The following ZNF260 variants were observed in gnomAD, a reference collection of about 807,000 sequenced individuals.
ZNF260 encodes zfp-260.
Under a neutral mutation model 29.3 loss-of-function variants are expected in ZNF260, and 21 were observed. The observed-to-expected ratio is 0.72, with a 90% CI of 0.51 to 1.03. ZNF260 has a LOEUF of 1.03. Ranked by LOEUF, ZNF260 falls within the 50% of genes least tolerant of loss-of-function variation. ZNF260 has a pLI of 0.00. For missense variants in ZNF260, 465 were observed against 487.8 expected (o/e 0.95, Z 0.44); for synonymous variants, 156 against 156.8 (o/e 0.99, Z 0.04).
chr19:36,515,226 A>G lies in ZNF260; in HGVS notation c.13T>C (p.Leu5=). 1 of 1,571,590 alleles carries G rather than the reference A, an allele frequency of 6.4e-7. No individual in the cohort carries two copies. Residue 5 remains leucine, a synonymous_variant, in exon 3 of 3, where the codon TTG becomes CTG. Coordinates refer to ENST00000523638, the MANE Select transcript of ZNF260 (RefSeq NM_001166037.2). MIGM[L]ESLQHESDLL... is the part of the protein sequence containing the mutation. ...TCTGATTCATGCTGAAGACTTTCCA[A>G]CATGCCTATCATGCATGTGAATTTA...
chr19:36,521,080 C>CAAA (rs767618733), intron 2 of ZNF260, among the ~76,000 whole-genome samples: 6 of 108,600 alleles, frequency 5.5e-5, no homozygotes, highest in South Asian at 5.9e-4. Context: ...GACCTTGTCT[C>CAAA]AAAAAAAAAA....
At chr19:36,524,395 G>T (rs1233691807) in intron 2 of ZNF260, among the ~76,000 whole-genome samples, 1 of 151,894 alleles carries the variant, frequency 6.6e-6, no homozygotes, top group Non-Finnish European at 1.5e-5. Flanking sequence ...TAGCCAGGAT[G>T]GTCGTGATCT....
chr19:36,516,713 G>T (rs1311685130), intron 2 of ZNF260, among the ~76,000 whole-genome samples: 1 of 152,058 alleles, frequency 6.6e-6, no homozygotes, highest in Non-Finnish European at 1.5e-5. Context: ...TGAGCAGCTG[G>T]GACTACAGGC....
chr19:36,514,683 G>A lies in ZNF260; in HGVS notation c.556C>T (p.His186Tyr). ...KQYLIKHQNI[H>Y]TGKKPFKCSE... ...CATTTAAAGGGCTTCTTTCCAGTAT[G>A]GATGTTCTGATGTTTAATGAGGTAT... The change falls in exon 3 of 3, where the codon CAT (histidine) becomes TAT (tyrosine). Residue 186 changes from histidine (H) to tyrosine (Y), a missense_variant. His to Tyr is a moderately conservative substitution (Grantham distance 83). Coordinates refer to ENST00000523638, the MANE Select transcript of ZNF260 (RefSeq NM_001166037.2). 2 of 1,613,984 alleles carry A rather than the reference G, an allele frequency of 1.2e-6. No individual in the cohort carries two copies. The highest frequency in any genetic ancestry group is 1.1e-5 in the South Asian group (1 of 91,080).
chr19:36,515,105 T>C lies in ZNF260; in HGVS notation c.134A>G (p.His45Arg). 1 of 1,614,170 alleles carries C rather than the reference T, an allele frequency of 6.2e-7. No individual in the cohort carries two copies. The highest frequency in any genetic ancestry group is 2.2e-5 in the East Asian group (1 of 44,872). ...TTTCTCTCCAGTATGCATTTTCTTA[T>C]GCTCTACAAGGTTTTGCTTCAGGCT... ...TFSLKQNLVE[H>R]KKMHTGEKSH... is the part of the protein sequence containing the mutation. The change falls in exon 3 of 3, where the codon CAT becomes CGT. Residue 45 changes from histidine to arginine, a missense_variant. Transcript: ENST00000523638.
At chr19:36,526,274 C>A (rs1420961382) in intron 1 of ZNF260, among the ~76,000 whole-genome samples, 1 of 152,168 alleles carries the variant, frequency 6.6e-6, no homozygotes, top group African/African-American at 2.4e-5. Flanking sequence ...GGCATGGTGG[C>A]TCACGCCTGT....
chr19:36,519,852 T>A (rs1229882295), intron 2 of ZNF260, among the ~76,000 whole-genome samples: 3 of 152,158 alleles, frequency 2.0e-5, no homozygotes, highest in Middle Eastern at 3.4e-3. Flanking sequence ...TACATCATTT[T>A]AAAAAAAGTA....
At chr19:36,518,518 A>C (rs777899655) in intron 2 of ZNF260, among the ~76,000 whole-genome samples, 4 of 152,208 alleles carry the variant, frequency 2.6e-5, no homozygotes, top group Non-Finnish European at 4.4e-5. Flanking sequence ...GGGGAAAGAA[A>C]GTCTAGAAAA....
In ZNF260 at chr19:36,526,370, G is replaced by C. The variant is rs1478708704; in HGVS notation, c.-680-997C>G. Among the ~76,000 whole-genome samples the C allele has an allele frequency of 2.0e-5, 3 of 151,862 alleles. No individual in the cohort carries two copies. In the East Asian group the frequency reaches 5.8e-4, roughly 29 times the overall value. On this transcript the variant is annotated intron_variant, in intron 1 of 2. Transcript: ENST00000523638. ...AGGCTGGCCAAGATGGTGAAACCCT[G>C]TCTCTACTAAAAATAAAAAAATTAG...
At position 36,514,277 on chromosome 19, in the gene ZNF260, A is replaced by G. The variant is rs1218548943; in HGVS notation, c.962T>C (p.Val321Ala). ...ATCACCTGTATGAATTCTCACATGT[A>G]CAATAAGTGATGTGATTCGAGAGAA... is the stretch of plus-strand genomic sequence containing the variant. ...KAFSRITSLI[V>A]HVRIHTGDKP... Residue 321 changes from valine (V) to alanine (A), a missense_variant, in exon 3 of 3, where the codon GTA (valine) becomes GCA (alanine). Transcript: ENST00000523638. 3 of 1,614,076 alleles carry G rather than the reference A, an allele frequency of 1.9e-6. No individual in the cohort carries two copies. The highest frequency in any genetic ancestry group is 1.1e-5 in the South Asian group (1 of 91,078).
intron 2 of ZNF260, 126 bp from the exon 3 acceptor site, chr19:36,515,825 A>C (rs2034539702): frequency 6.6e-6 from 1 of 152,186 alleles, no homozygotes; most frequent in Non-Finnish European, 1.5e-5. Flanking sequence ...ACACCTTTGA[A>C]GTTTCCCATT....
rs1600207908 is a variant in ZNF260 at position 36,514,890 on chromosome 19, A to G, written c.349T>C (p.Ser117Pro). ...CTGATGATGGTTGGCATCTGAATAG[A>G]AACTTTTTCACATTCATAAGGTTTC... ...GEKPYECEKV[S>P]IQMPTIIRHQ... Residue 117 changes from serine (S) to proline (P), a missense_variant, in exon 3 of 3, where the codon TCT becomes CCT. Physicochemically the swap from Ser to Pro is moderately conservative, Grantham distance 74 (BLOSUM62 -1). Transcript: ENST00000523638. 2 of 1,613,498 alleles carry G rather than the reference A, an allele frequency of 1.2e-6. 1 individual carries two copies. Among genetic ancestry groups the G allele is most frequent in the Admixed American group, 3.3e-5 (2 of 59,992 alleles).
At chr19:36,521,834 G>C (rs1021377155) in intron 2 of ZNF260, among the ~76,000 whole-genome samples, 10 of 151,828 alleles carry the variant, frequency 6.6e-5, no homozygotes, top group African/African-American at 2.2e-4. Flanking sequence ...CAGATCACAA[G>C]GTCGGGAGTT....
At chr19:36,516,611 C>A (rs1034959518) in intron 2 of ZNF260, among the ~76,000 whole-genome samples, 2 of 152,054 alleles carry the variant, frequency 1.3e-5, no homozygotes, top group African/African-American at 2.4e-5. Flanking sequence ...CGGAGTCTTG[C>A]TCTGTCGCCC....
At position 36,514,826 on chromosome 19, in the gene ZNF260, C is replaced by T. The variant is rs1462103026; in HGVS notation, c.413G>A (p.Cys138Tyr). 5.6e-6 allele frequency: 9 copies of T among 1,613,898 alleles called. No individual in the cohort carries two copies. The highest frequency in any genetic ancestry group is 2.7e-5 in the African/African-American group (2 of 74,906). Residue 138 changes from cysteine to tyrosine, a missense_variant, in exon 3 of 3, where the codon TGT becomes TAT. Cys to Tyr is a radical substitution (Grantham distance 194). Transcript: ENST00000523638. ...KNHTGTKPYACKECGKAFNGK... is the reference protein window; with the variant it reads ...KNHTGTKPYAYKECGKAFNGK... ...GTTAAAGGCTTTGCCACATTCCTTA[C>T]ATGCATAGGGTTTGGTTCCTGTATG...
Position 36,525,374 on chromosome 19 carries a change from CT to C in ZNF260, c.-680-2del. ...CCTGTGGATATACAAGGAAGCAGGC[CT>C]GTGAAAAAGAACAAAGTAATGATGA... On this transcript the variant is annotated splice_acceptor_variant, in intron 1 of 2. Coordinates refer to ENST00000523638, the MANE Select transcript of ZNF260 (RefSeq NM_001166037.2). LOFTEE classifies it low-confidence loss of function (5UTR_SPLICE). 1 of 152,322 alleles carries C rather than the reference CT, an allele frequency of 6.6e-6. No individual in the cohort carries two copies. The highest frequency in any genetic ancestry group is 1.5e-5 in the Non-Finnish European group (1 of 68,052). The allele number at this position is 152,322 out of a possible 1,614,324, so 9.4% of individuals were successfully genotyped here.
chr19:36,519,284 T>C (rs572716755), intron 2 of ZNF260, among the ~76,000 whole-genome samples: 3 of 152,216 alleles, frequency 2.0e-5, no homozygotes, highest in African/African-American at 7.2e-5. Flanking sequence ...CAAAAGGTTA[T>C]ACAAGAAATC....
rs2034530066 is a variant in ZNF260 at position 36,515,185 on chromosome 19, ATCATGCTGAAGGAGATCTGAT to A, written c.33_53del (p.Glu11_His17del). 6.2e-7 allele frequency: 1 copy of A among 1,610,724 alleles called. No individual in the cohort carries two copies. Among genetic ancestry groups the A allele is most frequent in the Non-Finnish European group, 8.5e-7 (1 of 1,177,872 alleles). On this transcript the variant is annotated inframe_deletion, in exon 3 of 3. Transcript: ENST00000523638. ...AAGGTTTCTCTCCAGTATGAATTTG[ATCATGCTGAAGGAGATCTGAT>A]TCATGCTGAAGACTTTCCAACATGC...
At chr19:36,527,405 G>A (rs1014978200) in intron 1 of ZNF260, among the ~76,000 whole-genome samples, 2 of 152,180 alleles carry the variant, frequency 1.3e-5, no homozygotes, top group East Asian at 3.8e-4. Context: ...TTAAGAATAA[G>A]TGTGACAAGA....
Sources: allele counts gnomAD v4.1 joint callset (sites outside exome capture counted in the v4.1 genomes callset), GRCh38; gene constraint gnomAD v4.1.1; transcripts MANE v1.5; gene names NCBI Gene and HGNC (gene_info 2026-07-23, HGNC 2026-07-21).